The following SLC25A32 variants were observed in gnomAD, a reference collection of about 807,000 sequenced individuals.
The protein encoded by SLC25A32 is solute carrier family 25 member 32.
SLC25A32 carries 32 observed loss-of-function variants against 39.0 expected under a neutral mutation model. The observed-to-expected ratio is 0.82, with a 90% CI of 0.62 to 1.10. The LOEUF is 1.10. Ranked by LOEUF, SLC25A32 falls within the 50% of genes least tolerant of loss-of-function variation. SLC25A32 has a pLI of 0.00. For missense variants in SLC25A32, 367 were observed against 395.3 expected, an observed-to-expected ratio of 0.93 and a Z score of 0.61; for synonymous variants, 166 against 152.4, an observed-to-expected ratio of 1.09 and a Z score of -0.66.
intron 2 of SLC25A32, among the ~76,000 whole-genome samples, chr8:103,405,968 C>G (rs866347355): frequency 6.6e-6 from 1 of 151,618 alleles, no homozygotes; most frequent in African/African-American, 2.4e-5. Context: ...TGCACCTGGC[C>G]CAAGAAATTC....
intron 1 of SLC25A32, among the ~76,000 whole-genome samples, chr8:103,411,760 T>C (rs1816471222): frequency 6.6e-6 from 1 of 152,226 alleles, no homozygotes; most frequent in African/African-American, 2.4e-5. Context: ...CTTCTAGTCC[T>C]GGTCTCTTAT....
At position 103,401,624 on chromosome 8, in the gene SLC25A32, T is replaced by G. The variant is rs1816220699; in HGVS notation, c.704A>C (p.Lys235Thr). The G allele has an allele frequency of 6.2e-7, 1 of 1,613,524 alleles. No homozygotes were observed. Among genetic ancestry groups the G allele is most frequent in the Non-Finnish European group, 8.5e-7 (1 of 1,179,684 alleles). Residue 235 changes from lysine (K) to threonine (T), a missense_variant, in exon 6 of 7, where the codon AAA becomes ACA. By Grantham distance (78) the Lys-to-Thr change is moderately conservative. Transcript: ENST00000297578. ...VEYISVAALSKIFAVAATYPY... is the reference protein window; with the variant it reads ...VEYISVAALSTIFAVAATYPY... ...GTATGTTGCTGCGACAGCAAATATTTTGGATAGTGCTGCAACAGATATATA... is the reference window on the plus strand; with the variant it reads ...GTATGTTGCTGCGACAGCAAATATTGTGGATAGTGCTGCAACAGATATATA...
intron 1 of SLC25A32, among the ~76,000 whole-genome samples, chr8:103,410,536 A>C (rs893940398): frequency 6.6e-6 from 1 of 152,206 alleles, no homozygotes; most frequent in African/African-American, 2.4e-5. Context: ...GAGGTGAAAC[A>C]GTTTCATCCT....
rs992441548 is a variant in SLC25A32, at chr8:103,400,154, C to T, written c.*257G>A. 1 of 452,696 alleles carries T rather than the reference C, an allele frequency of 2.2e-6. No individual in the cohort carries two copies. Among genetic ancestry groups the T allele is most frequent in the Non-Finnish European group, 3.9e-6 (1 of 255,398 alleles). The allele number at this position is 452,696 out of a possible 1,614,324, so 28.0% of individuals were successfully genotyped here. A position where few individuals can be genotyped will look rare whatever the true frequency, so the allele number is the denominator to read the frequency against. ...CAATAAAACGTAGAAATCTGTGAAA[C>T]TCTATCCTTCGTGTCAGTTTTAACA... On this transcript the variant is annotated 3_prime_UTR_variant, in exon 7 of 7. Coordinates refer to ENST00000297578, the MANE Select transcript of SLC25A32 (RefSeq NM_030780.5).
Position 103,414,802 on chromosome 8 carries a change from C to G in SLC25A32, c.136G>C (p.Val46Leu), listed in dbSNP as rs878927639. The G allele has an allele frequency of 1.2e-6, 2 of 1,613,798 alleles. No homozygotes were observed. Among genetic ancestry groups the G allele is most frequent in the South Asian group, 1.1e-5 (1 of 91,092 alleles). The change falls in exon 1 of 7, where the codon GTG becomes CTG. Residue 46 changes from valine (V) to leucine (L), a missense_variant. By Grantham distance (32) the Val-to-Leu change is conservative. Transcript: ENST00000297578. ...SNLALHPLDLVKIRFAVSDGL... is the reference protein window; with the variant it reads ...SNLALHPLDLLKIRFAVSDGL... ...CTCTTACCGGCGAAGCGGATCTTCA[C>G]GAGGTCGAGCGGATGCAGCGCAAGG...
chr8:103,401,978 TACTTCA>T lies in SLC25A32; in HGVS notation c.623_628del (p.Leu208_Lys209del). On this transcript the variant is annotated inframe_deletion, in exon 5 of 7. Transcript: ENST00000297578. ...TGGTAATCTATTGATATGCTGGTTG[TACTTCA>T]ACTTCAGCAATTCATATGCCATAAA... 6.2e-7 allele frequency: 1 copy of T among 1,613,500 alleles called. No homozygotes were observed. The highest frequency in any genetic ancestry group is 8.5e-7 in the Non-Finnish European group (1 of 1,179,630).
At chr8:103,403,522 T>C (rs1816264753) in intron 3 of SLC25A32, among the ~76,000 whole-genome samples, 198 bp from the exon 4 acceptor site, 1 of 151,704 alleles carries the variant, frequency 6.6e-6, no homozygotes, top group African/African-American at 2.4e-5. Flanking sequence ...TTGGTAGTCA[T>C]AAAAAGTTCC....
Position 103,399,033 on chromosome 8 carries a change from T to C in SLC25A32, c.*1378A>G, listed in dbSNP as rs1221584287. ...CAACAGCACTCGTGGATGTTTACGATAAATAAAAATACTAGTATTCTGGCA... is the reference window on the plus strand; with the variant it reads ...CAACAGCACTCGTGGATGTTTACGACAAATAAAAATACTAGTATTCTGGCA... On this transcript the variant is annotated 3_prime_UTR_variant, in exon 7 of 7. Transcript: ENST00000297578. 6.6e-6 allele frequency: 1 copy of C among 152,214 alleles called. No homozygotes were observed. The highest frequency in any genetic ancestry group is 1.5e-5 in the Non-Finnish European group (1 of 68,030). 9.4% of individuals were successfully genotyped at this position (152,214 alleles called of 1,614,324 possible).
At chr8:103,409,917 G>A (rs1042633545) in intron 1 of SLC25A32, among the ~76,000 whole-genome samples, 11 of 152,272 alleles carry the variant, frequency 7.2e-5, no homozygotes, top group Admixed American at 3.9e-4. Context: ...GTACCTCACC[G>A]GGTTTTTTGA....
rs1018698912 is a variant in SLC25A32 at position 103,415,104 on chromosome 8, T to A, written c.-167A>T. The stretch of plus-strand genomic sequence containing the variant: ...GCGTGAGCGAAGCCGGAGACTCTAG[T>A]ACTGAGGGGGCAAGAACGGGGCACA... On this transcript the variant is annotated 5_prime_UTR_variant, in exon 1 of 7. Coordinates refer to ENST00000297578, the MANE Select transcript of SLC25A32 (RefSeq NM_030780.5). 1.2e-5 allele frequency: 20 copies of A among 1,611,968 alleles called. No homozygotes were observed. Among genetic ancestry groups the A allele is most frequent in the Non-Finnish European group, 1.7e-5 (20 of 1,179,618 alleles).
At position 103,404,755 on chromosome 8, in the gene SLC25A32, A is replaced by G. The variant is rs778427569; in HGVS notation, c.391+21T>C. The G allele has an allele frequency of 2.5e-6, 4 of 1,572,000 alleles. No individual in the cohort carries two copies. The East Asian group carries it at 8.9e-5, about 35-fold the overall frequency. On this transcript the variant is annotated intron_variant, in intron 3 of 6. Transcript: ENST00000297578. ...ATTAAGTTTGGAAGGTGACATTTTTATATTTCACACATTGCCTTACCAGCT... is the reference window on the plus strand; with the variant it reads ...ATTAAGTTTGGAAGGTGACATTTTTGTATTTCACACATTGCCTTACCAGCT...
At chr8:103,407,343 C>T (rs1216663168) in intron 2 of SLC25A32, among the ~76,000 whole-genome samples, 1 of 152,154 alleles carries the variant, frequency 6.6e-6, no homozygotes, top group Non-Finnish European at 1.5e-5. Context: ...ATCATTCCAC[C>T]TCATCTCTTT....
intron 4 of SLC25A32, chr8:103,402,301 T>C (rs955579752): frequency 3.4e-6 from 1 of 291,080 alleles, no homozygotes; most frequent in Non-Finnish European, 6.3e-6. Context: ...AGTATACATA[T>C]AAAGAAGACC....
Position 103,401,386 on chromosome 8 carries a change from AAGCAGGGACC to A in SLC25A32, c.812+120_812+129del, listed in dbSNP as rs1331748346. ...ATGGTCACATACGTAATAACTGGGA[AAGCAGGGACC>A]ACCAATCATGTTTTCACCACAGCAA... is the stretch of plus-strand genomic sequence containing the variant. On this transcript the variant is annotated intron_variant, in intron 6 of 6. Transcript: ENST00000297578. The A allele has an allele frequency of 6.8e-6, 5 of 734,428 alleles. No individual in the cohort carries two copies. In the East Asian group the frequency reaches 1.1e-4, roughly 16 times the overall value. The allele number at this position is 734,428 out of a possible 1,614,324, so 45.5% of individuals were successfully genotyped here.
chr8:103,403,369 C>A, intron 3 of SLC25A32, 45 bp from the exon 4 acceptor site: 1 of 1,275,560 alleles, frequency 7.8e-7, no homozygotes, highest in Non-Finnish European at 1.1e-6. Context: ...CAGATACTTT[C>A]GCACTTATGA....
Position 103,400,209 on chromosome 8 carries a change from G to T in SLC25A32, c.*202C>A. 1 of 569,760 alleles carries T rather than the reference G, an allele frequency of 1.8e-6. No individual in the cohort carries two copies. The highest frequency in any genetic ancestry group is 3.0e-6 in the Non-Finnish European group (1 of 330,866). 35.3% of individuals were successfully genotyped at this position (569,760 alleles called of 1,614,324 possible). ...GTTGATGGCAGCCATTTCAGGCAGA[G>T]GTAGCCAAGTTCCATATATATGGGG... On this transcript the variant is annotated 3_prime_UTR_variant, in exon 7 of 7. Coordinates refer to ENST00000297578, the MANE Select transcript of SLC25A32 (RefSeq NM_030780.5).
In SLC25A32 at chr8:103,404,826, C is replaced by A. The variant is rs1322976701; in HGVS notation, c.341G>T (p.Arg114Ile). 6.2e-7 allele frequency: 1 copy of A among 1,613,264 alleles called. No individual in the cohort carries two copies. The highest frequency in any genetic ancestry group is 1.1e-5 in the South Asian group (1 of 91,044). The change falls in exon 3 of 7, where the codon AGA (arginine) becomes ATA (isoleucine). Residue 114 changes from arginine to isoleucine, a missense_variant. By Grantham distance (97) the Arg-to-Ile change is moderately conservative (BLOSUM62 -3). Transcript: ENST00000297578. ...NAIKSYKTEG[R>I]AERLEATEYL... Reference sequence around the variant, plus strand: ...TTCTGTTGCCTCTAAACGTTCAGCTCTTCCTTCTGTTTTATATGACTTGAT... The same window carrying A: ...TTCTGTTGCCTCTAAACGTTCAGCTATTCCTTCTGTTTTATATGACTTGAT...
chr8:103,414,860 C>T lies in SLC25A32; in HGVS notation c.78G>A (p.Leu26=), dbSNP rs1194763006. ...TVFRHVRYEN[L]IAGVSGGVLS... ...AGACGCCGCCGCTCACGCCCGCTATCAGGTTCTCATACCGGACGTGGCGGA... is the reference window on the plus strand; with the variant it reads ...AGACGCCGCCGCTCACGCCCGCTATTAGGTTCTCATACCGGACGTGGCGGA... Residue 26 remains leucine (L), a synonymous_variant, in exon 1 of 7, where the codon CTG becomes CTA. Coordinates refer to ENST00000297578, the MANE Select transcript of SLC25A32 (RefSeq NM_030780.5). 1.2e-6 allele frequency: 2 copies of T among 1,613,442 alleles called. No individual in the cohort carries two copies. Among genetic ancestry groups the T allele is most frequent in the African/African-American group, 1.3e-5 (1 of 74,926 alleles).
In SLC25A32 at chr8:103,400,253, A is replaced by T. The variant is rs1481402304; in HGVS notation, c.*158T>A. ...TATGGGGAAGGCAAAAAGCAAGAAA[A>T]ACATTGCAGGAGACTTAGCAGTTCT... On this transcript the variant is annotated 3_prime_UTR_variant, in exon 7 of 7. Coordinates refer to ENST00000297578, the MANE Select transcript of SLC25A32 (RefSeq NM_030780.5). 1.2e-6 allele frequency: 1 copy of T among 818,774 alleles called. No homozygotes were observed. Among genetic ancestry groups the T allele is most frequent in the Non-Finnish European group, 1.9e-6 (1 of 532,672 alleles). The allele number at this position is 818,774 out of a possible 1,614,324, so 50.7% of individuals were successfully genotyped here. A position where few individuals can be genotyped will look rare whatever the true frequency, so the allele number is the denominator to read the frequency against.
Sources: allele counts gnomAD v4.1 joint callset (sites outside exome capture counted in the v4.1 genomes callset), GRCh38; gene constraint gnomAD v4.1.1; transcripts MANE v1.5; gene names NCBI Gene and HGNC (gene_info 2026-07-23, HGNC 2026-07-21).